Variants in CMTM7 observed in about 807,000 individuals in gnomAD.
CMTM7 encodes CKLF-like MARVEL transmembrane domain-containing protein 7.
CMTM7 carries 7 observed loss-of-function variants against 19.3 expected under a neutral mutation model. That is an observed-to-expected ratio of 0.36 (90% CI 0.21 to 0.68). The LOEUF is 0.68. Ranked by LOEUF, CMTM7 falls within the 30% of genes least tolerant of loss-of-function variation. The probability of loss-of-function intolerance (pLI) is 0.60; values close to 1 mark genes in which losing one functional copy is unlikely to be tolerated. For synonymous variants in CMTM7, 87 were observed against 99.3 expected, an observed-to-expected ratio of 0.88 and a Z score of 0.74; for missense variants, 193 against 232.6, an observed-to-expected ratio of 0.83 and a Z score of 1.11.
chr3:32,402,940 T>G (rs2125620907), intron 1 of CMTM7, among the ~76,000 whole-genome samples: 1 of 152,344 alleles, frequency 6.6e-6, no homozygotes, highest in Non-Finnish European at 1.5e-5. Context: ...AATTAAATGC[T>G]TTTGGGTACA....
In CMTM7 at chr3:32,402,116, T is replaced by C. The variant is rs184092039; in HGVS notation, c.159+10051T>C. 2.2e-3 allele frequency among the ~76,000 whole-genome samples: 340 copies of C among 152,314 alleles called. 1 individual carries two copies. Among genetic ancestry groups the C allele is most frequent in the African/African-American group, 7.8e-3 (323 of 41,572 alleles). On this transcript the variant is annotated intron_variant, in intron 1 of 4. Transcript: ENST00000334983. The stretch of plus-strand genomic sequence containing the variant: ...TTATTTGTTTGTTTGGTTTTGGTTT[T>C]TTTGAGACGGAGTCTAAAAAGTCTT...
intron 1 of CMTM7, 150 bp from the exon 2 acceptor site, chr3:32,441,690 C>T (rs1696677964): frequency 3.0e-6 from 2 of 667,838 alleles, no homozygotes; most frequent in South Asian, 3.7e-5. Context: ...TCCAACCTTC[C>T]AGCCAGTGTG....
At chr3:32,395,656 A>G (rs1695904753) in intron 1 of CMTM7, among the ~76,000 whole-genome samples, 1 of 152,216 alleles carries the variant, frequency 6.6e-6, no homozygotes, top group Non-Finnish European at 1.5e-5. Context: ...GATGTGGAGG[A>G]TGTGAAGAAA....
intron 3 of CMTM7, chr3:32,450,961 A>C (rs1169873971): frequency 6.6e-6 from 1 of 152,250 alleles, no homozygotes; most frequent in Middle Eastern, 3.2e-3. Flanking sequence ...CTTAGGAGAC[A>C]AGACACATGA....
intron 4 of CMTM7, among the ~76,000 whole-genome samples, chr3:32,452,894 G>A (rs981021645): frequency 2.8e-5 from 4 of 143,240 alleles, no homozygotes; most frequent in African/African-American, 5.2e-5. Context: ...GGGACTACAG[G>A]TGTGCACCAC....
At chr3:32,410,998 G>A (rs919597744) in intron 1 of CMTM7, among the ~76,000 whole-genome samples, 9 of 152,244 alleles carry the variant, frequency 5.9e-5, no homozygotes, top group African/African-American at 2.2e-4. Flanking sequence ...TTCCTCACTC[G>A]AGTGTTAGCC....
chr3:32,400,399 C>CTTCT (rs1553610345), intron 1 of CMTM7, among the ~76,000 whole-genome samples: 1 of 116,572 alleles, frequency 8.6e-6, no homozygotes. Context: ...TCTTCTTCTT[C>CTTCT]TTTTTTTTTT....
chr3:32,395,441 C>T (rs1220575775), intron 1 of CMTM7, among the ~76,000 whole-genome samples: 2 of 151,928 alleles, frequency 1.3e-5, no homozygotes, highest in African/African-American at 4.8e-5. Flanking sequence ...GATAAGGAAA[C>T]GGGCTAAAGA....
intron 1 of CMTM7, among the ~76,000 whole-genome samples, chr3:32,425,351 C>T (rs976411387): frequency 2.0e-5 from 3 of 152,144 alleles, no homozygotes; most frequent in African/African-American, 7.2e-5. Flanking sequence ...GGCAGTCACA[C>T]CCTTTTATTT....
At position 32,455,055 on chromosome 3, in the gene CMTM7, G is replaced by A. The variant is rs3882310; in HGVS notation, c.*801G>A. On this transcript the variant is annotated 3_prime_UTR_variant, in exon 5 of 5. Transcript: ENST00000334983. Reference sequence around the variant, plus strand: ...TGTGCAGGTTCTCAATTATATTCACGTCCTCCTTCTCCTGCAATACCAATC... The same window carrying A: ...TGTGCAGGTTCTCAATTATATTCACATCCTCCTTCTCCTGCAATACCAATC... 18,162 of 152,862 alleles carry A rather than the reference G, an allele frequency of 0.12. 1,271 individuals are homozygous for A. Among genetic ancestry groups the A allele is most frequent in the Middle Eastern group, 0.19 (57 of 294 alleles). The allele number at this position is 152,862 out of a possible 1,614,324, so 9.5% of individuals were successfully genotyped here. A position where few individuals can be genotyped will look rare whatever the true frequency, so the allele number is the denominator to read the frequency against.
chr3:32,396,509 AAACAACAAC>A (rs899721361), intron 1 of CMTM7, among the ~76,000 whole-genome samples: 1 of 152,026 alleles, frequency 6.6e-6, no homozygotes, highest in Non-Finnish European at 1.5e-5. Context: ...TCCGTCACAA[AAACAACAAC>A]AACAACAACA....
chr3:32,413,642 A>G (rs685777), intron 1 of CMTM7, among the ~76,000 whole-genome samples: 63,649 of 151,818 alleles, frequency 0.42, 13,569 homozygotes, highest in South Asian at 0.48. Context: ...CTCAAATGTT[A>G]CTGGTTTGAC....
intron 1 of CMTM7, among the ~76,000 whole-genome samples, chr3:32,429,582 C>T (rs552614412): frequency 1.3e-5 from 2 of 151,162 alleles, no homozygotes; most frequent in Non-Finnish European, 2.9e-5. Flanking sequence ...TGAGCCATCA[C>T]GGCTGGCTGG....
intron 1 of CMTM7, among the ~76,000 whole-genome samples, chr3:32,403,821 T>C (rs1696047439): frequency 6.6e-6 from 1 of 152,178 alleles, no homozygotes; most frequent in Non-Finnish European, 1.5e-5. Flanking sequence ...TGGCTCTTCC[T>C]TGATGGGCAG....
chr3:32,437,080 T>C (rs1230297710), intron 1 of CMTM7, among the ~76,000 whole-genome samples: 1 of 152,222 alleles, frequency 6.6e-6, no homozygotes, highest in East Asian at 1.9e-4. Context: ...TCTCAGATCA[T>C]GTCAGCTTCC....
At chr3:32,432,042 C>G (rs1194541765) in intron 1 of CMTM7, among the ~76,000 whole-genome samples, 1 of 152,186 alleles carries the variant, frequency 6.6e-6, no homozygotes, top group African/African-American at 2.4e-5. Context: ...CTTGAGGCCT[C>G]CCTCTGGGAT....
At chr3:32,413,866 C>T (rs988817130) in intron 1 of CMTM7, among the ~76,000 whole-genome samples, 2 of 152,112 alleles carry the variant, frequency 1.3e-5, no homozygotes, top group Non-Finnish European at 2.9e-5. Context: ...ATTCATCCGC[C>T]GCAGGTTCCA....
chr3:32,412,933 T>A (rs1696200923), intron 1 of CMTM7, among the ~76,000 whole-genome samples: 1 of 152,246 alleles, frequency 6.6e-6, no homozygotes. Flanking sequence ...ATTTTTAAAT[T>A]TATGTGACCA....
At chr3:32,406,268 G>T (rs1435791711) in intron 1 of CMTM7, among the ~76,000 whole-genome samples, 2 of 152,094 alleles carry the variant, frequency 1.3e-5, no homozygotes, top group Non-Finnish European at 2.9e-5. Flanking sequence ...GCCGTTTAGG[G>T]TATTTCTCCC....
Sources: gnomAD v4.1 joint callset for allele counts (sites outside exome capture counted in the v4.1 genomes callset) on GRCh38, gnomAD v4.1.1 for gene constraint, MANE v1.5 for transcripts, NCBI Gene and HGNC (gene_info 2026-07-23, HGNC 2026-07-21) for gene names.